The following KAT14 variants were observed in gnomAD, a reference collection of about 807,000 sequenced individuals.
KAT14 encodes cysteine-rich protein 2-binding protein.
KAT14 carries 66 observed loss-of-function variants against 78.4 expected under a neutral mutation model. The observed-to-expected ratio is 0.84, with a 90% CI of 0.69 to 1.03. The LOEUF (loss-of-function observed/expected upper bound fraction) is 1.03. KAT14 is among the 50% of genes least tolerant of loss of function. The pLI, the probability that KAT14 is intolerant of heterozygous loss-of-function variation, is 0.00. For synonymous variants in KAT14, 344 were observed against 359.4 expected (o/e 0.96, Z 0.48); for missense variants, 870 against 972.5 (o/e 0.89, Z 1.40).
chr20:18,138,999 T>G (rs1268345130), intron 1 of KAT14, among the ~76,000 whole-genome samples: 3 of 152,226 alleles, frequency 2.0e-5, no homozygotes, highest in Non-Finnish European at 2.9e-5. Context: ...AATAATGGAC[T>G]GGATGAATCA....
rs1446531306 is a variant in KAT14 at position 18,183,226 on chromosome 20, C to CTT, written c.1910_1911insTT (p.Asp638SerfsTer57). ...CTGGACGCCGGAGCCCGACGCACCT[C>CTT]TCGATTACTGTTATGTGCGGCCAAA... On this transcript the variant is annotated frameshift_variant, in exon 9 of 11. Coordinates refer to ENST00000688188, the MANE Select transcript of KAT14 (RefSeq NM_001392073.1). LOFTEE classifies it high-confidence loss of function. 6.2e-7 allele frequency: 1 copy of CTT among 1,614,050 alleles called. No homozygotes were observed. The highest frequency in any genetic ancestry group is 2.2e-5 in the East Asian group (1 of 44,896).
intron 8 of KAT14, 144 bp downstream of exon 8, chr20:18,181,990 C>T (rs2039276859): frequency 4.0e-6 from 5 of 1,260,310 alleles, no homozygotes; most frequent in Non-Finnish European, 5.3e-6. Context: ...TGCTTCACCT[C>T]CAGTTTTGTC....
chr20:18,161,800 C>T (rs1462573863), intron 5 of KAT14, 23 bp from the exon 6 acceptor site: 1 of 1,601,460 alleles, frequency 6.2e-7, no homozygotes, highest in Non-Finnish European at 8.5e-7. Flanking sequence ...GATACTCAGC[C>T]TGTATTTATT....
intron 7 of KAT14, among the ~76,000 whole-genome samples, chr20:18,173,130 T>C (rs1047997141): frequency 6.6e-6 from 1 of 152,244 alleles, no homozygotes. Context: ...TGTTTTATTT[T>C]AAGATGGTTC....
At chr20:18,182,863 G>C (rs750132427) in intron 8 of KAT14, among the ~76,000 whole-genome samples, 1 of 152,196 alleles carries the variant, frequency 6.6e-6, no homozygotes, top group Non-Finnish European at 1.5e-5. Flanking sequence ...ATCTGATGCT[G>C]TATCTGTTTC....
intron 1 of KAT14, among the ~76,000 whole-genome samples, chr20:18,141,177 G>A (rs1049210933): frequency 7.2e-5 from 11 of 151,736 alleles, no homozygotes; most frequent in Middle Eastern, 3.4e-3. Context: ...GAGCCACCAC[G>A]CCTGGCCTAA....
At chr20:18,172,734 G>T (rs968385674) in intron 7 of KAT14, among the ~76,000 whole-genome samples, 2 of 152,156 alleles carry the variant, frequency 1.3e-5, no homozygotes, top group Non-Finnish European at 2.9e-5. Flanking sequence ...CCATATCTCA[G>T]TCTGGTTCTG....
intron 7 of KAT14, among the ~76,000 whole-genome samples, chr20:18,167,623 T>C (rs1403110690): frequency 6.6e-6 from 1 of 152,192 alleles, no homozygotes; most frequent in Non-Finnish European, 1.5e-5. Context: ...GTACTTGGCA[T>C]TTTGTTATTT....
chr20:18,145,000 G>A, intron 2 of KAT14: 1 of 1,043,886 alleles, frequency 9.6e-7, no homozygotes, highest in Non-Finnish European at 1.2e-6. Flanking sequence ...TGCTTTTCCA[G>A]TACCTTTCTC....
chr20:18,171,628 A>G (rs1317587729), intron 7 of KAT14, among the ~76,000 whole-genome samples: 4 of 152,174 alleles, frequency 2.6e-5, no homozygotes, highest in Non-Finnish European at 4.4e-5. Flanking sequence ...CCTGGCCAAC[A>G]TAGTGAAACC....
intron 2 of KAT14, among the ~76,000 whole-genome samples, chr20:18,143,509 C>T (rs2037672174): frequency 6.6e-6 from 1 of 151,520 alleles, no homozygotes; most frequent in Admixed American, 6.6e-5. Context: ...TTTTGTTGCC[C>T]AGGCTAGAGT....
In KAT14 at chr20:18,161,827, A is replaced by G; in HGVS notation, c.687A>G (p.Ser229=). Residue 229 remains serine, a synonymous_variant, in exon 6 of 11, where the codon TCA becomes TCG. Transcript: ENST00000688188. ...LSASTLKIKA[S]KPTLDPIITV... ...GTATTTATTCTTTCTTAGCAGCCTC[A>G]AAACCAACTTTAGATCCCATCATTA... 1 of 1,611,550 alleles carries G rather than the reference A, an allele frequency of 6.2e-7. No individual in the cohort carries two copies. Among genetic ancestry groups the G allele is most frequent in the East Asian group, 2.2e-5 (1 of 44,870 alleles).
At chr20:18,143,366 T>G (rs2037664011) in intron 2 of KAT14, among the ~76,000 whole-genome samples, 1 of 152,150 alleles carries the variant, frequency 6.6e-6, no homozygotes, top group Admixed American at 6.5e-5. Flanking sequence ...TTTTTTGCCC[T>G]TTTTCTAGGA....
Position 18,181,561 on chromosome 20 carries a change from G to A in KAT14, c.1669-149G>A, listed in dbSNP as rs1054375545. On this transcript the variant is annotated intron_variant, in intron 7 of 10. Transcript: ENST00000688188. ...AATTTTTGTATTTTTAGTAGAGACA[G>A]GGTTTTACCGTGTTAGCCAGGATGA... The A allele has an allele frequency of 9.8e-6, 12 of 1,219,260 alleles. No homozygotes were observed. In the African/African-American group the frequency reaches 1.4e-4, roughly 14 times the overall value. The allele number at this position is 1,219,260 out of a possible 1,614,324, so 75.5% of individuals were successfully genotyped here.
intron 3 of KAT14, among the ~76,000 whole-genome samples, chr20:18,147,750 A>C (rs1302426763): frequency 6.6e-6 from 1 of 151,862 alleles, no homozygotes; most frequent in African/African-American, 2.4e-5. Context: ...ATGCCTGGCT[A>C]ATTTTTTGTA....
chr20:18,143,144 C>G (rs890438601), intron 2 of KAT14: 1 of 1,267,014 alleles, frequency 7.9e-7, no homozygotes, highest in Non-Finnish European at 1.0e-6. Flanking sequence ...TTGGTGGTAA[C>G]TCAATAAAAT....
chr20:18,161,792 T>G (rs766785722), intron 5 of KAT14, 31 bp from the exon 6 acceptor site: 39 of 1,595,908 alleles, frequency 2.4e-5, no homozygotes, highest in Non-Finnish European at 2.1e-5. Context: ...AGATGAGGGA[T>G]ACTCAGCCTG....
At chr20:18,141,217 C>T (rs548855906) in intron 1 of KAT14, among the ~76,000 whole-genome samples, 2 of 151,794 alleles carry the variant, frequency 1.3e-5, no homozygotes, top group East Asian at 3.9e-4. Flanking sequence ...GAGCAATAAA[C>T]TATAAAATGT....
chr20:18,176,327 G>A (rs941995401), intron 7 of KAT14, among the ~76,000 whole-genome samples: 1 of 145,714 alleles, frequency 6.9e-6, no homozygotes, highest in African/African-American at 2.5e-5. Flanking sequence ...AAAGTGCCAA[G>A]CGCTATTCTA....
Sources: allele counts gnomAD v4.1 joint callset (sites outside exome capture counted in the v4.1 genomes callset), GRCh38; gene constraint gnomAD v4.1.1; transcripts MANE v1.5; gene names NCBI Gene and HGNC (gene_info 2026-07-23, HGNC 2026-07-21).